LRP1B: variants seen among roughly 807,000 people sequenced by gnomAD.
LRP1B encodes the protein LDL receptor related protein 1B.
A neutral mutation model predicts 556.6 loss-of-function variants in LRP1B; 217 were observed. That is an observed-to-expected ratio of 0.39 (90% CI 0.35 to 0.44). The LOEUF (loss-of-function observed/expected upper bound fraction) is 0.44. Ranked by LOEUF, LRP1B falls within the 20% of genes least tolerant of loss-of-function variation. LRP1B has a pLI of 1.00. For missense variants in LRP1B, 5,053 were observed against 5,620.8 expected (o/e 0.90, Z 3.23); for synonymous variants, 2,047 against 1,865.8 (o/e 1.10, Z -2.50).
At chr2:141,125,248 T>C (rs940564189) in intron 7 of LRP1B, among the ~76,000 whole-genome samples, 1 of 152,214 alleles carries the variant, frequency 6.6e-6, no homozygotes, top group East Asian at 1.9e-4. Flanking sequence ...AAACTTGCTA[T>C]GTTGACCCCT....
intron 2 of LRP1B, among the ~76,000 whole-genome samples, chr2:141,603,663 G>A (rs2105312348): frequency 6.6e-6 from 1 of 152,012 alleles, no homozygotes; most frequent in African/African-American, 2.4e-5. Context: ...CATATTTGAG[G>A]CTTTTAAGTA....
intron 3 of LRP1B, among the ~76,000 whole-genome samples, chr2:141,428,663 C>T (rs909529936): frequency 6.6e-6 from 1 of 152,106 alleles, no homozygotes. Context: ...AGTCAACATC[C>T]CTCTCTGTTC....
intron 3 of LRP1B, among the ~76,000 whole-genome samples, chr2:141,404,576 A>G (rs1690562037): frequency 6.6e-6 from 1 of 152,210 alleles, no homozygotes; most frequent in African/African-American, 2.4e-5. Context: ...AAATGTAATA[A>G]TAAGTCAGCA....
At chr2:141,488,708 G>A (rs370336720) in intron 2 of LRP1B, among the ~76,000 whole-genome samples, 2 of 151,926 alleles carry the variant, frequency 1.3e-5, no homozygotes, top group African/African-American at 2.4e-5. Flanking sequence ...CAGTCCTCCT[G>A]TCAGCCTGTC....
intron 2 of LRP1B, among the ~76,000 whole-genome samples, chr2:141,682,822 G>A (rs1691152526): frequency 6.6e-6 from 1 of 152,090 alleles, no homozygotes; most frequent in African/African-American, 2.4e-5. Context: ...GAGACTTTTT[G>A]TATCTAGAAA....
chr2:141,554,674 ATCTT>A (rs1434918752), intron 2 of LRP1B, among the ~76,000 whole-genome samples: 22 of 151,946 alleles, frequency 1.4e-4, no homozygotes, highest in African/African-American at 5.1e-4. Flanking sequence ...ATGACCTATA[ATCTT>A]TCTAAGAAGC....
intron 83 of LRP1B, among the ~76,000 whole-genome samples, chr2:140,304,773 G>A (rs1231302578): frequency 1.3e-5 from 2 of 152,210 alleles, no homozygotes; most frequent in East Asian, 1.9e-4. Context: ...TTCTTCTAGG[G>A]TTTTTATGGT....
At chr2:140,730,175 A>C (rs985412034) in intron 35 of LRP1B, among the ~76,000 whole-genome samples, 1 of 152,194 alleles carries the variant, frequency 6.6e-6, no homozygotes, top group Non-Finnish European at 1.5e-5. Flanking sequence ...TCTATTCTGA[A>C]TGTTTGCAAA....
chr2:142,072,741 T>C (rs1040582976), intron 1 of LRP1B, among the ~76,000 whole-genome samples: 2 of 151,986 alleles, frequency 1.3e-5, no homozygotes, highest in Non-Finnish European at 2.9e-5. Context: ...AAGTGTTTAT[T>C]ATTCTCTTTT....
chr2:140,686,577 A>G, intron 41 of LRP1B, among the ~76,000 whole-genome samples: 1 of 152,104 alleles, frequency 6.6e-6, no homozygotes, highest in Non-Finnish European at 1.5e-5. Flanking sequence ...TATTGATGAA[A>G]ATAGGAGGGG....
At chr2:141,916,644 A>G (rs1220098539) in intron 1 of LRP1B, among the ~76,000 whole-genome samples, 6 of 151,202 alleles carry the variant, frequency 4.0e-5, no homozygotes, top group Admixed American at 3.3e-4. Context: ...AGCCTCCCAA[A>G]GTGCTAGGAT....
Position 140,322,100 on chromosome 2 carries a change from AAAG to A in LRP1B, c.12515-15_12515-13del, listed in dbSNP as rs1156949583. 6.2e-7 allele frequency: 1 copy of A among 1,608,270 alleles called. No homozygotes were observed. Among genetic ancestry groups the A allele is most frequent in the Non-Finnish European group, 8.5e-7 (1 of 1,177,674 alleles). On this transcript the variant is annotated splice_polypyrimidine_tract_variant and intron_variant, in intron 81 of 90. Transcript: ENST00000389484. The stretch of plus-strand genomic sequence containing the variant: ...GCATGGATTGGGTACTGGTGAAACA[AAAG>A]AAAACAAAGAAGTGTGTAAATATAG...
intron 35 of LRP1B, among the ~76,000 whole-genome samples, chr2:140,748,289 TG>T (rs1688399021): frequency 1.4e-5 from 1 of 73,146 alleles, no homozygotes; most frequent in Non-Finnish European, 2.9e-5. Flanking sequence ...TGTTCATATA[TG>T]TATATATATT....
At chr2:141,889,735 T>C (rs942683953) in intron 1 of LRP1B, among the ~76,000 whole-genome samples, 1 of 152,116 alleles carries the variant, frequency 6.6e-6, no homozygotes. Context: ...CAAACTTAAA[T>C]TACTCTAGCC....
intron 43 of LRP1B, among the ~76,000 whole-genome samples, chr2:140,565,838 A>C (rs1574085717): frequency 6.6e-6 from 1 of 152,128 alleles, no homozygotes; most frequent in Non-Finnish European, 1.5e-5. Flanking sequence ...GTCAGGAGGA[A>C]CTTCTCCCAG....
chr2:141,074,612 T>A lies in LRP1B; in HGVS notation c.1014-12339A>T, dbSNP rs149782382. Among the ~76,000 whole-genome samples the A allele has an allele frequency of 9.4e-3, 1,118 of 118,830 alleles. 16 individuals are homozygous for A. The highest frequency in any genetic ancestry group is 0.031 in the African/African-American group (1,059 of 33,710). 78.0% of individuals were successfully genotyped at this position (118,830 alleles called of 152,430 possible). A position where few individuals can be genotyped will look rare whatever the true frequency, so the allele number is the denominator to read the frequency against. On this transcript the variant is annotated intron_variant, in intron 7 of 90. Coordinates refer to ENST00000389484, the MANE Select transcript of LRP1B (RefSeq NM_018557.3). ...CTCTATATATATATATATATGTTTT[T>A]TATATATATATAAAACACATATATT...
At chr2:140,448,519 C>G (rs1431860632) in intron 63 of LRP1B, among the ~76,000 whole-genome samples, 1 of 152,000 alleles carries the variant, frequency 6.6e-6, no homozygotes, top group Non-Finnish European at 1.5e-5. Flanking sequence ...AAGACAAATA[C>G]CACGTGATCT....
intron 10 of LRP1B, among the ~76,000 whole-genome samples, chr2:141,050,821 ATAC>A (rs1186410699): frequency 6.6e-6 from 1 of 152,132 alleles, no homozygotes; most frequent in African/African-American, 2.4e-5. Context: ...ACAGCAAAAG[ATAC>A]TAGCATCAGA....
At chr2:141,589,892 G>A (rs948102363) in intron 2 of LRP1B, among the ~76,000 whole-genome samples, 2 of 152,076 alleles carry the variant, frequency 1.3e-5, no homozygotes, top group Non-Finnish European at 2.9e-5. Context: ...AGGCAATAAA[G>A]TTATTCAAAG....
Sources: allele counts gnomAD v4.1 joint callset (sites outside exome capture counted in the v4.1 genomes callset), GRCh38; gene constraint gnomAD v4.1.1; transcripts MANE v1.5; gene names NCBI Gene and HGNC (gene_info 2026-07-23, HGNC 2026-07-21).